The following GRB10 variants were observed in gnomAD, a reference collection of about 807,000 sequenced individuals.
GRB10 encodes the protein growth factor receptor-bound protein 10.
GRB10 carries 20 observed loss-of-function variants against 80.9 expected under a neutral mutation model. The observed-to-expected ratio is 0.25, with a 90% CI of 0.17 to 0.36. GRB10 has a LOEUF of 0.36. Among genes scored for constraint, GRB10 ranks in the 10% least tolerant of loss-of-function variants. The pLI is 1.00. For synonymous variants in GRB10, 291 were observed against 291.5 expected (o/e 1.00, Z 0.02); for missense variants, 548 against 747.7 (o/e 0.73, Z 3.12).
At chr7:50,724,780 GC>G (rs1475329621) in intron 4 of GRB10, among the ~76,000 whole-genome samples, 1 of 152,212 alleles carries the variant, frequency 6.6e-6, no homozygotes, top group Admixed American at 6.5e-5. Context: ...GATTTGCTCT[GC>G]GTTACTGACA....
chr7:50,686,322 T>C (rs1285293046), intron 5 of GRB10, among the ~76,000 whole-genome samples: 2 of 152,188 alleles, frequency 1.3e-5, no homozygotes, highest in Non-Finnish European at 2.9e-5. Flanking sequence ...AGTTGCCAGA[T>C]CTGGGAGCAC....
At chr7:50,649,788 G>A (rs1322457572) in intron 7 of GRB10, among the ~76,000 whole-genome samples, 1 of 152,296 alleles carries the variant, frequency 6.6e-6, no homozygotes, top group South Asian at 2.1e-4. Flanking sequence ...GAGTCCAAAG[G>A]GGGAATCAAG....
In GRB10 at chr7:50,605,605, C is replaced by T. The variant is rs367614702; in HGVS notation, c.1273-199G>A. On this transcript the variant is annotated intron_variant, in intron 14 of 18. Transcript: ENST00000401949. ...TGGCCCCTTCAGTTTTTCTTAAGAA[C>T]GAAACACATTCTAGTCCTCCCTGAG... Among the ~76,000 whole-genome samples, 15 of 152,214 alleles carry T rather than the reference C, an allele frequency of 9.9e-5. 1 individual carries two copies. The highest frequency in any genetic ancestry group is 3.9e-4 in the East Asian group (2 of 5,166).
At chr7:50,734,719 C>A (rs1350190226) in intron 3 of GRB10, among the ~76,000 whole-genome samples, 1 of 152,132 alleles carries the variant, frequency 6.6e-6, no homozygotes, top group South Asian at 2.1e-4. Context: ...GCTTCTCCGC[C>A]AGGAAAATGT....
rs528458049 is a variant in GRB10, at chr7:50,604,856, C to A, written c.1389+434G>T. 1.1e-4 allele frequency: 31 copies of A among 287,854 alleles called. No individual in the cohort carries two copies. The South Asian group carries it at 1.3e-3, about 12-fold the overall frequency. The allele number at this position is 287,854 out of a possible 1,614,324, so 17.8% of individuals were successfully genotyped here. On this transcript the variant is annotated intron_variant, in intron 15 of 18. Coordinates refer to ENST00000401949, the MANE Select transcript of GRB10 (RefSeq NM_001350814.2). ...ACTTAGAAGCCGAGTGATAGTCTTC[C>A]CACCTGGAGATTAAGAACCTAAGCC...
intron 4 of GRB10, among the ~76,000 whole-genome samples, chr7:50,708,455 T>C (rs2153672144): frequency 6.6e-6 from 1 of 152,274 alleles, no homozygotes; most frequent in South Asian, 2.1e-4. Flanking sequence ...CGGACAGAGC[T>C]GGAAGGTAAG....
At chr7:50,642,467 TATACATATACACATAA>T (rs1417007232) in intron 7 of GRB10, among the ~76,000 whole-genome samples, 2 of 152,064 alleles carry the variant, frequency 1.3e-5, no homozygotes, top group Non-Finnish European at 2.9e-5. Context: ...CATACATACA[TATACATATACACATAA>T]ATATATATAC....
At chr7:50,595,687 TC>T in intron 17 of GRB10, 157 bp from the exon 18 acceptor site, 2 of 641,616 alleles carry the variant, frequency 3.1e-6, no homozygotes, top group Admixed American at 4.4e-5. Context: ...TTAAGTGGCC[TC>T]TAGGGGCAAC....
Position 50,639,491 on chromosome 7 carries a change from C to T in GRB10, c.505-12513G>A, listed in dbSNP as rs372000466. ...GAGATCGAGATCATCCTGGCTAACA[C>T]GGTGAAACCGTCTCTACTAAAAATA... On this transcript the variant is annotated intron_variant, in intron 7 of 18. Coordinates refer to ENST00000401949, the MANE Select transcript of GRB10 (RefSeq NM_001350814.2). Among the ~76,000 whole-genome samples the T allele has an allele frequency of 7.2e-4, 96 of 132,678 alleles. No individual in the cohort carries two copies. The Middle Eastern group carries it at 0.019, about 26-fold the overall frequency. The allele number at this position is 132,678 out of a possible 152,430, so 87.0% of individuals were successfully genotyped here.
chr7:50,783,578 T>G (rs762257504), upstream of GRB10, among the ~76,000 whole-genome samples: 1 of 150,472 alleles, frequency 6.6e-6, no homozygotes, highest in African/African-American at 2.4e-5. Flanking sequence ...ACCACAGACA[T>G]ACACACGAGC....
intron 2 of GRB10, among the ~76,000 whole-genome samples, chr7:50,777,333 AC>A (rs908596536): frequency 1.3e-5 from 2 of 151,584 alleles, no homozygotes; most frequent in African/African-American, 4.9e-5. Context: ...TGACTTAAAC[AC>A]CTCCTAAAGG....
chr7:50,769,320 A>C (rs2076724432), intron 2 of GRB10, among the ~76,000 whole-genome samples: 1 of 152,230 alleles, frequency 6.6e-6, no homozygotes, highest in East Asian at 1.9e-4. Context: ...GATGCTAAGT[A>C]GTCAGGAATC....
chr7:50,647,573 T>C (rs1011226784), intron 7 of GRB10, among the ~76,000 whole-genome samples: 6 of 152,242 alleles, frequency 3.9e-5, no homozygotes, highest in Non-Finnish European at 7.4e-5. Flanking sequence ...GTAGGGGAGA[T>C]AGACAAAAAG....
chr7:50,759,005 G>A (rs1298323362), intron 2 of GRB10, among the ~76,000 whole-genome samples: 4 of 151,622 alleles, frequency 2.6e-5, no homozygotes, highest in African/African-American at 4.9e-5. Flanking sequence ...GGCATATAGC[G>A]TGACCCTGTT....
rs369487700 is a variant in GRB10 at position 50,732,504 on chromosome 7, T to A, written c.-46-136A>T. ...TTGTAGGTTCAGTAAGGACACTTGC[T>A]CGGGGCACCAGCTTTTTGCTGACAT... On this transcript the variant is annotated intron_variant, in intron 3 of 18. Coordinates refer to ENST00000401949, the MANE Select transcript of GRB10 (RefSeq NM_001350814.2). 6.2e-6 allele frequency: 4 copies of A among 648,338 alleles called. No individual in the cohort carries two copies. In the East Asian group the frequency reaches 8.2e-5, roughly 13 times the overall value. The allele number at this position is 648,338 out of a possible 1,614,324, so 40.2% of individuals were successfully genotyped here. A position where few individuals can be genotyped will look rare whatever the true frequency, so the allele number is the denominator to read the frequency against.
chr7:50,699,225 T>C (rs1417823048), intron 5 of GRB10, among the ~76,000 whole-genome samples: 3 of 152,156 alleles, frequency 2.0e-5, no homozygotes, highest in African/African-American at 7.2e-5. Flanking sequence ...AAGACACATA[T>C]TTCAGTCTTC....
intron 13 of GRB10, among the ~76,000 whole-genome samples, chr7:50,609,182 T>A (rs867990800): frequency 6.6e-6 from 1 of 152,272 alleles, no homozygotes. Context: ...ATAATACAAT[T>A]AAATCACAGT....
chr7:50,668,322 G>C (rs1022862276), intron 7 of GRB10, among the ~76,000 whole-genome samples: 1 of 152,004 alleles, frequency 6.6e-6, no homozygotes, highest in African/African-American at 2.4e-5. Context: ...AGGTAGGGAA[G>C]TGAGAGCAAG....
At position 50,742,264 on chromosome 7, in the gene GRB10, C is replaced by T. The variant is rs991448579; in HGVS notation, c.-46-9896G>A. Among the ~76,000 whole-genome samples the T allele has an allele frequency of 8.5e-3, 226 of 26,708 alleles. 1 individual carries two copies. The highest frequency in any genetic ancestry group is 0.011 in the African/African-American group (181 of 16,938). 17.5% of individuals were successfully genotyped at this position (26,708 alleles called of 152,430 possible). ...GTCTATGTGTAAACACACGCGCACG[C>T]GCGCGCGCACACACACACACACACA... On this transcript the variant is annotated intron_variant, in intron 3 of 18. Coordinates refer to ENST00000401949, the MANE Select transcript of GRB10 (RefSeq NM_001350814.2).
Sources: allele counts gnomAD v4.1 joint callset (sites outside exome capture counted in the v4.1 genomes callset), GRCh38; gene constraint gnomAD v4.1.1; transcripts MANE v1.5; gene names NCBI Gene and HGNC (gene_info 2026-07-23, HGNC 2026-07-21).